Variants in KCNN3 observed in about 807,000 individuals in gnomAD.
KCNN3 encodes small conductance calcium-activated potassium channel protein 3.
A neutral mutation model predicts 62.9 loss-of-function variants in KCNN3; 16 were observed. The observed-to-expected ratio is 0.25, with a 90% CI of 0.17 to 0.39. The LOEUF (loss-of-function observed/expected upper bound fraction) is 0.39. KCNN3 is among the 10% of genes least tolerant of loss of function. The pLI is 1.00. For missense variants in KCNN3, 599 were observed against 949.4 expected (o/e 0.63, Z 4.85); for synonymous variants, 370 against 389.2 (o/e 0.95, Z 0.58).
chr1:154,833,978 A>G (rs1476571302), intron 1 of KCNN3, among the ~76,000 whole-genome samples: 18 of 152,276 alleles, frequency 1.2e-4, no homozygotes, highest in Admixed American at 1.2e-3. Context: ...TCAGTGCGGC[A>G]TAAGAAGTAG....
intron 1 of KCNN3, among the ~76,000 whole-genome samples, chr1:154,824,824 C>A (rs1651040771): frequency 6.6e-6 from 1 of 152,146 alleles, no homozygotes; most frequent in South Asian, 2.1e-4. Context: ...AAGCTCAAAA[C>A]CTTTACATGA....
intron 3 of KCNN3, among the ~76,000 whole-genome samples, chr1:154,758,468 C>T (rs1418870092): frequency 6.6e-6 from 1 of 152,266 alleles, no homozygotes; most frequent in African/African-American, 2.4e-5. Flanking sequence ...CCCGTTGCAG[C>T]ATGTCTGGCC....
At chr1:154,712,707 G>A (rs1700102765) in intron 7 of KCNN3, among the ~76,000 whole-genome samples, 1 of 152,180 alleles carries the variant, frequency 6.6e-6, no homozygotes, top group Admixed American at 6.5e-5. Context: ...AATGAGGAGA[G>A]GGGGCTGAGG....
intron 3 of KCNN3, among the ~76,000 whole-genome samples, chr1:154,762,509 G>C (rs1648063882): frequency 6.6e-6 from 1 of 152,136 alleles, no homozygotes; most frequent in Non-Finnish European, 1.5e-5. Context: ...TCACTGGGGA[G>C]ATAAGTTCTT....
rs1284007335 is a variant in KCNN3, at chr1:154,702,067, A to G, written c.*5909T>C. On this transcript the variant is annotated 3_prime_UTR_variant, in exon 8 of 8. Transcript: ENST00000271915. ...TTAAAATCTCTTCTGAAATGGCTTG[A>G]TAGAATTTAGGGTAGAATTATTCCT... 6.6e-6 allele frequency: 1 copy of G among 152,138 alleles called. No homozygotes were observed. Among genetic ancestry groups the G allele is most frequent in the Non-Finnish European group, 1.5e-5 (1 of 68,032 alleles). 9.4% of individuals were successfully genotyped at this position (152,138 alleles called of 1,614,324 possible). A position where few individuals can be genotyped will look rare whatever the true frequency, so the allele number is the denominator to read the frequency against.
At chr1:154,814,907 C>G (rs2101887916) in intron 2 of KCNN3, among the ~76,000 whole-genome samples, 1 of 152,364 alleles carries the variant, frequency 6.6e-6, no homozygotes, top group East Asian at 1.9e-4. Flanking sequence ...TCGCTGTTCT[C>G]TGGAACACAT....
chr1:154,733,036 A>G lies in KCNN3; in HGVS notation c.1557T>C (p.Cys519=). 6.2e-7 allele frequency: 1 copy of G among 1,614,072 alleles called. No homozygotes were observed. The highest frequency in any genetic ancestry group is 8.5e-7 in the Non-Finnish European group (1 of 1,179,964). The change falls in exon 4 of 8, where the codon TGT becomes TGC. Residue 519 remains cysteine (C), a synonymous_variant. Coordinates refer to ENST00000271915, the MANE Select transcript of KCNN3 (RefSeq NM_002249.6). ...GYGDMVPHTY[C]GKGVCLLTGI... is the part of the protein sequence containing the mutation. The stretch of plus-strand genomic sequence containing the variant: ...CAGTGAGGAGACAGACACCTTTCCC[A>G]CAGTATGTGTGGGGCACCATGTCCC...
intron 2 of KCNN3, among the ~76,000 whole-genome samples, chr1:154,776,980 CTG>C (rs2101845451): frequency 6.6e-6 from 1 of 152,332 alleles, no homozygotes; most frequent in African/African-American, 2.4e-5. Context: ...GAGACAAGCG[CTG>C]TGTCTTCCTT....
chr1:154,752,366 G>T (rs1647419413), intron 3 of KCNN3, among the ~76,000 whole-genome samples: 1 of 152,000 alleles, frequency 6.6e-6, no homozygotes. Context: ...AAGTGACCTT[G>T]GGCTCTGGGA....
At chr1:154,724,758 C>T (rs1455716291) in intron 5 of KCNN3, among the ~76,000 whole-genome samples, 1 of 151,988 alleles carries the variant, frequency 6.6e-6, no homozygotes, top group Admixed American at 6.6e-5. Context: ...CATAATGGTT[C>T]AAGTGAGAAA....
chr1:154,823,319 G>A (rs929302901), intron 1 of KCNN3, among the ~76,000 whole-genome samples: 4 of 152,142 alleles, frequency 2.6e-5, no homozygotes, highest in African/African-American at 7.2e-5. Flanking sequence ...TGTGTATGGC[G>A]GCCCTGCACT....
intron 3 of KCNN3, 23 bp downstream of exon 3, chr1:154,771,952 T>C (rs1407835387): frequency 1.2e-5 from 20 of 1,613,018 alleles, no homozygotes; most frequent in Non-Finnish European, 1.6e-5. Context: ...GGCTCTGTAC[T>C]CAGAAAGCCC....
chr1:154,737,030 T>C (rs1700725677), intron 3 of KCNN3: 3 of 702,028 alleles, frequency 4.3e-6, no homozygotes, highest in Non-Finnish European at 7.8e-6. Context: ...AGATAAGACA[T>C]ACATGCAACT....
chr1:154,849,023 G>T (rs1045581262), intron 1 of KCNN3, among the ~76,000 whole-genome samples: 7 of 152,180 alleles, frequency 4.6e-5, no homozygotes, highest in Non-Finnish European at 8.8e-5. Context: ...TTCCCCGACA[G>T]CAAACCCCAT....
At chr1:154,714,846 C>G in intron 6 of KCNN3, 30 bp downstream of exon 6, 2 of 1,612,756 alleles carry the variant, frequency 1.2e-6, no homozygotes, top group Non-Finnish European at 1.7e-6. Context: ...GTCTGGTCAT[C>G]TGATGGCTGA....
chr1:154,801,033 G>A (rs1039908244), intron 2 of KCNN3, among the ~76,000 whole-genome samples: 3 of 151,962 alleles, frequency 2.0e-5, no homozygotes, highest in African/African-American at 7.3e-5. Flanking sequence ...CTTATCCCCC[G>A]CTCAAAAAGA....
intron 2 of KCNN3, among the ~76,000 whole-genome samples, chr1:154,789,490 T>C (rs541304519): frequency 7.9e-5 from 12 of 152,284 alleles, no homozygotes; most frequent in African/African-American, 2.9e-4. Context: ...CTAAATCTAG[T>C]TTAATCTTCC....
At chr1:154,720,011 T>C (rs1411190349) in intron 5 of KCNN3, among the ~76,000 whole-genome samples, 1 of 152,022 alleles carries the variant, frequency 6.6e-6, no homozygotes, top group African/African-American at 2.4e-5. Flanking sequence ...TGGTAATGGG[T>C]GGTGGATAAT....
chr1:154,776,804 G>A (rs896895309), intron 2 of KCNN3, among the ~76,000 whole-genome samples: 1 of 152,192 alleles, frequency 6.6e-6, no homozygotes, highest in Non-Finnish European at 1.5e-5. Flanking sequence ...GACTTGGAGG[G>A]CTTGTTCAAA....
Sources: allele counts gnomAD v4.1 joint callset (sites outside exome capture counted in the v4.1 genomes callset), GRCh38; gene constraint gnomAD v4.1.1; transcripts MANE v1.5; gene names NCBI Gene and HGNC (gene_info 2026-07-23, HGNC 2026-07-21).